ALOX5: variants seen among roughly 807,000 people sequenced by gnomAD.
ALOX5 encodes arachidonate 5-lipoxygenase.
Under a neutral mutation model 87.9 loss-of-function variants are expected in ALOX5, and 64 were observed. The ratio of observed to expected loss-of-function variants is 0.73; its 90% CI spans 0.60 to 0.90. The LOEUF is 0.90. Ranked by LOEUF, ALOX5 falls within the 40% of genes least tolerant of loss-of-function variation. ALOX5 has a pLI of 0.00. For synonymous variants in ALOX5, 388 were observed against 355.1 expected, an observed-to-expected ratio of 1.09 and a Z score of -1.04; for missense variants, 822 against 907.5, an observed-to-expected ratio of 0.91 and a Z score of 1.21.
At position 45,425,922 on chromosome 10, in the gene ALOX5, C is replaced by A. The variant is rs1283101210; in HGVS notation, c.834+790C>A. ...ATGGTTGGTGCCCTTTAGAGATAAA[C>A]CTACAGCCCCAGTACCTGGCCCACC... On this transcript the variant is annotated intron_variant, in intron 6 of 13. Transcript: ENST00000374391. This position sits in a 1 kb window ranked among gnomAD's most constrained non-coding sequence, Gnocchi z 4.4. Among the ~76,000 whole-genome samples the A allele has an allele frequency of 1.3e-5, 2 of 152,178 alleles. No individual in the cohort carries two copies. Among genetic ancestry groups the A allele is most frequent in the Non-Finnish European group, 2.9e-5 (2 of 68,032 alleles).
chr10:45,379,647 T>A lies in ALOX5; in HGVS notation c.151-2836T>A, dbSNP rs117811514. On this transcript the variant is annotated intron_variant, in intron 1 of 13. Transcript: ENST00000374391. ...GCCTGGTGCCCTGCAACCCCCTGGA[T>A]TCAGGAAGGGGCACTGGTGGTTCTG... Among the ~76,000 whole-genome samples, 952 of 152,290 alleles carry A rather than the reference T, an allele frequency of 6.3e-3. 33 individuals are homozygous for A. Among genetic ancestry groups the A allele is most frequent in the Admixed American group, 0.052 (789 of 15,304 alleles).
In ALOX5 at chr10:45,428,610, T is replaced by A; in HGVS notation, c.835-8T>A. 1 of 1,614,026 alleles carries A rather than the reference T, an allele frequency of 6.2e-7. No individual in the cohort carries two copies. Among genetic ancestry groups the A allele is most frequent in the Non-Finnish European group, 8.5e-7 (1 of 1,179,998 alleles). On this transcript the variant is annotated splice_polypyrimidine_tract_variant and splice_region_variant and intron_variant, in intron 6 of 13. Coordinates refer to ENST00000374391, the MANE Select transcript of ALOX5 (RefSeq NM_000698.5). Reference sequence around the variant, plus strand: ...CCTGATTTGGACACATCTCTCTGCCTCCTGCAGCAAGGGAACATTTTCATC... The same window carrying A: ...CCTGATTTGGACACATCTCTCTGCCACCTGCAGCAAGGGAACATTTTCATC...
At chr10:45,424,899 G>A in intron 5 of ALOX5, 61 bp from the exon 6 acceptor site, 1 of 1,593,566 alleles carries the variant, frequency 6.3e-7, no homozygotes, top group Non-Finnish European at 8.6e-7. Flanking sequence ...GGTCAGGAGG[G>A]CCATGGCCCT....
intron 1 of ALOX5, 114 bp downstream of exon 1, chr10:45,374,543 G>A: frequency 9.5e-7 from 1 of 1,049,122 alleles, no homozygotes; most frequent in South Asian, 2.2e-5. Flanking sequence ...GCCCGGACAG[G>A]ACTGGGGGTG....
intron 1 of ALOX5, among the ~76,000 whole-genome samples, chr10:45,380,699 T>C (rs907879584): frequency 6.6e-6 from 1 of 152,208 alleles, no homozygotes; most frequent in Non-Finnish European, 1.5e-5. Flanking sequence ...CCCAGCACTT[T>C]GGGAGACCGA....
At chr10:45,443,573 C>T (rs1842321045) in intron 11 of ALOX5, 36 bp downstream of exon 11, 1 of 1,600,294 alleles carries the variant, frequency 6.2e-7, no homozygotes, top group Admixed American at 1.7e-5. Context: ...CCCGGCTCCC[C>T]CGCAGTCGGC....
chr10:45,393,794 A>T (rs2132711594), intron 2 of ALOX5, among the ~76,000 whole-genome samples: 1 of 152,360 alleles, frequency 6.6e-6, no homozygotes, highest in East Asian at 1.9e-4. Context: ...AATCACAAGC[A>T]TTCTTATACA....
chr10:45,429,468 C>A (rs148573099), intron 7 of ALOX5, among the ~76,000 whole-genome samples: 26 of 152,320 alleles, frequency 1.7e-4, no homozygotes, highest in Admixed American at 1.4e-3. Flanking sequence ...ATAGGTCAGG[C>A]ACCAGCCACA....
chr10:45,432,237 G>A (rs1412248175), intron 7 of ALOX5, among the ~76,000 whole-genome samples: 1 of 151,616 alleles, frequency 6.6e-6, no homozygotes, highest in African/African-American at 2.4e-5. Context: ...GCGCATGCCT[G>A]TAATCCCAAC....
At chr10:45,428,298 T>G in intron 6 of ALOX5, 1 of 416,440 alleles carries the variant, frequency 2.4e-6, no homozygotes. Flanking sequence ...CACATCTATT[T>G]CACCTAACCT....
chr10:45,382,134 T>TG (rs1839852195), intron 1 of ALOX5, among the ~76,000 whole-genome samples: 1 of 152,200 alleles, frequency 6.6e-6, no homozygotes, highest in South Asian at 2.1e-4. Flanking sequence ...CCAAGGGGCT[T>TG]GGGCTAGGGC....
At chr10:45,411,378 T>C (rs1019449487) in intron 3 of ALOX5, among the ~76,000 whole-genome samples, 2 of 152,238 alleles carry the variant, frequency 1.3e-5, no homozygotes, top group African/African-American at 4.8e-5. Context: ...AGCCTTATTT[T>C]ACCCAGCCCC....
At chr10:45,408,763 G>A (rs1005860171) in intron 3 of ALOX5, among the ~76,000 whole-genome samples, 3 of 152,026 alleles carry the variant, frequency 2.0e-5, no homozygotes, top group African/African-American at 7.2e-5. Flanking sequence ...GTCAGTTCAG[G>A]GGCTTAGAAT....
At chr10:45,397,679 A>G (rs921283700) in intron 3 of ALOX5, among the ~76,000 whole-genome samples, 1 of 152,184 alleles carries the variant, frequency 6.6e-6, no homozygotes, top group Admixed American at 6.5e-5. Flanking sequence ...AAGATAATCA[A>G]TTGTTTTTCT....
At chr10:45,380,467 T>A (rs1340066705) in intron 1 of ALOX5, among the ~76,000 whole-genome samples, 1 of 152,204 alleles carries the variant, frequency 6.6e-6, no homozygotes, top group African/African-American at 2.4e-5. Flanking sequence ...CAAGTTCCCA[T>A]TCCTCTTAGG....
intron 2 of ALOX5, among the ~76,000 whole-genome samples, chr10:45,383,356 G>A (rs1032475501): frequency 1.3e-5 from 2 of 152,258 alleles, no homozygotes; most frequent in Non-Finnish European, 2.9e-5. Context: ...AGAGACGGAC[G>A]CAGGCGTCAA....
intron 3 of ALOX5, among the ~76,000 whole-genome samples, chr10:45,408,863 T>C (rs1166322038): frequency 2.0e-5 from 3 of 152,234 alleles, no homozygotes; most frequent in African/African-American, 7.2e-5. Context: ...TGTTCTTCTA[T>C]TTTGCACAAA....
intron 4 of ALOX5, 82 bp downstream of exon 4, chr10:45,412,395 T>C: frequency 6.5e-7 from 1 of 1,549,656 alleles, no homozygotes; most frequent in Non-Finnish European, 8.7e-7. Flanking sequence ...CCTTTCCTCA[T>C]GGGGTCCTTG....
chr10:45,414,818 A>G (rs1589021205), intron 4 of ALOX5, among the ~76,000 whole-genome samples: 1 of 152,280 alleles, frequency 6.6e-6, no homozygotes, highest in Non-Finnish European at 1.5e-5. Context: ...CATGCAGCCA[A>G]TAGACACATG....
Sources: allele counts gnomAD v4.1 joint callset (sites outside exome capture counted in the v4.1 genomes callset), GRCh38; gene constraint gnomAD v4.1.1; non-coding constraint Gnocchi (gnomAD v3.1); transcripts MANE v1.5; gene names NCBI Gene and HGNC (gene_info 2026-07-23, HGNC 2026-07-21).